Variants in STIL observed in about 807,000 individuals in gnomAD.
STIL encodes the protein STIL centriolar assembly protein, also known as SCL-interrupting locus protein.
Under a neutral mutation model 110.1 loss-of-function variants are expected in STIL, and 55 were observed. The observed-to-expected ratio is 0.50, with a 90% CI of 0.40 to 0.63. The LOEUF (loss-of-function observed/expected upper bound fraction) is 0.63, where lower values mean the gene tolerates loss of function less well. STIL is among the 20% of genes least tolerant of loss of function. The pLI is 0.00. For synonymous variants in STIL, 481 were observed against 530.0 expected (o/e 0.91, Z 1.27); for missense variants, 1,358 against 1,530.0 (o/e 0.89, Z 1.87).
Position 47,295,816 on chromosome 1 carries a change from A to G in STIL, c.734T>C (p.Leu245Ser), listed in dbSNP as rs1299972880. The G allele has an allele frequency of 6.2e-7, 1 of 1,613,100 alleles. No individual in the cohort carries two copies. Residue 245 changes from leucine (L) to serine (S), a missense_variant, in exon 7 of 17, where the codon TTA becomes TCA. Transcript: ENST00000371877. Reference protein sequence around the residue: ...YLTMDETRKLLLLLESDPKVY... With the variant: ...YLTMDETRKLSLLLESDPKVY... ...CTTGGGATCAGATTCCAACAAAAGT[A>G]ACAATTTGCGTGTTTCATCCATGGT...
At chr1:47,282,263 G>A (rs1327840781) in intron 11 of STIL, 82 bp downstream of exon 11, 1 of 836,002 alleles carries the variant, frequency 1.2e-6, no homozygotes, top group African/African-American at 1.7e-5. Flanking sequence ...TTAGGTTTCA[G>A]GTAGTATTAT....
chr1:47,293,441 A>T lies in STIL; in HGVS notation c.872+17T>A, dbSNP rs1213359206. The T allele has an allele frequency of 6.2e-7, 1 of 1,602,006 alleles. No individual in the cohort carries two copies. On this transcript the variant is annotated intron_variant, in intron 8 of 16. Coordinates refer to ENST00000371877, the MANE Select transcript of STIL (RefSeq NM_001048166.1). The stretch of plus-strand genomic sequence containing the variant: ...AAAGGATCGAAATAAAGTACTACAG[A>T]ATAAAATATCACTTGCCTTTCTTGA...
At chr1:47,311,710 A>G (rs1398928621) in intron 1 of STIL, among the ~76,000 whole-genome samples, 1 of 152,126 alleles carries the variant, frequency 6.6e-6, no homozygotes, top group East Asian at 1.9e-4. Flanking sequence ...CAAGCCTTAG[A>G]GTTCCTTAGG....
At chr1:47,306,190 T>C (rs9436429) in intron 2 of STIL, among the ~76,000 whole-genome samples, 33,168 of 151,750 alleles carry the variant, frequency 0.22, 4,273 homozygotes, top group East Asian at 0.53. Context: ...ACAAAATCCC[T>C]TTTAAGTAAC....
intron 13 of STIL, 47 bp from the exon 14 acceptor site, chr1:47,269,913 A>C (rs1644769280): frequency 6.5e-7 from 1 of 1,530,070 alleles, no homozygotes; most frequent in African/African-American, 1.4e-5. Context: ...TTCAACTTTA[A>C]AAATAATACT....
rs1353304370 is a variant in STIL at position 47,270,240 on chromosome 1, AAATATAT to A, written c.2384-381_2384-375del. 6.0e-3 allele frequency among the ~76,000 whole-genome samples: 708 copies of A among 118,016 alleles called. 16 individuals carry two copies. Among genetic ancestry groups the A allele is most frequent in the African/African-American group, 0.022 (677 of 30,974 alleles). The allele number at this position is 118,016 out of a possible 152,430, so 77.4% of individuals were successfully genotyped here. A position where few individuals can be genotyped will look rare whatever the true frequency, so the allele number is the denominator to read the frequency against. On this transcript the variant is annotated intron_variant, in intron 13 of 16. Transcript: ENST00000371877. ...GCAACTCTGGCTCAAAAAAAAAAAA[AAATATAT>A]ATATATATACACACACACACACACA...
chr1:47,265,706 G>C (rs1042213075), intron 14 of STIL, among the ~76,000 whole-genome samples: 1 of 151,138 alleles, frequency 6.6e-6, no homozygotes, highest in Non-Finnish European at 1.5e-5. Flanking sequence ...GCTTGTACCC[G>C]GGAGGCGGAG....
intron 5 of STIL, 108 bp downstream of exon 5, chr1:47,301,453 C>T: frequency 1.6e-6 from 2 of 1,276,886 alleles, no homozygotes; most frequent in South Asian, 2.5e-5. Flanking sequence ...AATAATTCAA[C>T]CAAATTATTG....
chr1:47,311,498 G>C (rs1238752979), intron 1 of STIL, among the ~76,000 whole-genome samples: 1 of 151,360 alleles, frequency 6.6e-6, no homozygotes, highest in African/African-American at 2.4e-5. Context: ...CGTTGCCCAG[G>C]CTGGTCTCGA....
chr1:47,299,799 CAT>C, intron 6 of STIL, 104 bp downstream of exon 6: 1 of 1,181,782 alleles, frequency 8.5e-7, no homozygotes, highest in South Asian at 1.4e-5. Context: ...ACCAAGCCAC[CAT>C]ATCTCTGGCA....
intron 15 of STIL, among the ~76,000 whole-genome samples, chr1:47,261,209 G>A (rs533367549): frequency 1.2e-4 from 18 of 151,832 alleles, no homozygotes; most frequent in African/African-American, 4.3e-4. Context: ...CCAACATGGT[G>A]AAACCCTGTC....
At chr1:47,299,422 A>T (rs1286139309) in intron 6 of STIL, among the ~76,000 whole-genome samples, 1 of 138,138 alleles carries the variant, frequency 7.2e-6, no homozygotes, top group Non-Finnish European at 1.5e-5. Context: ...TTTGAAACGG[A>T]GTCTCTGTTG....
intron 2 of STIL, among the ~76,000 whole-genome samples, chr1:47,309,233 A>G (rs72686214): frequency 0.014 from 2,058 of 152,218 alleles, 24 homozygotes; most frequent in Admixed American, 0.044. Context: ...CAAAAATTTA[A>G]ATTTTTTTAA....
At chr1:47,270,605 G>T (rs1644806744) in intron 13 of STIL, among the ~76,000 whole-genome samples, 2 of 149,970 alleles carry the variant, frequency 1.3e-5, no homozygotes, top group African/African-American at 4.9e-5. Context: ...CATTGGTGAT[G>T]CATCAGACAT....
chr1:47,270,670 C>CTT (rs542462270), intron 13 of STIL, among the ~76,000 whole-genome samples: 33,072 of 93,526 alleles, frequency 0.35, 7,515 homozygotes, highest in Non-Finnish European at 0.47. Context: ...GTTTCCCAAT[C>CTT]TTTTTTTTTT....
chr1:47,282,219 G>A, intron 11 of STIL, 126 bp downstream of exon 11: 1 of 683,004 alleles, frequency 1.5e-6, no homozygotes, highest in South Asian at 1.6e-5. Context: ...TAACCATAGA[G>A]ATAGAAATAG....
At chr1:47,261,395 T>A (rs1644480960) in intron 15 of STIL, among the ~76,000 whole-genome samples, 1 of 149,984 alleles carries the variant, frequency 6.7e-6, no homozygotes, top group East Asian at 2.0e-4. Flanking sequence ...CTAAAAAAAA[T>A]AAATAAATAA....
chr1:47,313,883 C>T (rs932103593), intron 1 of STIL, among the ~76,000 whole-genome samples, 153 bp downstream of exon 1: 1 of 152,212 alleles, frequency 6.6e-6, no homozygotes, highest in African/African-American at 2.4e-5. Context: ...TCATGGACTG[C>T]TTAATTTCTC....
At chr1:47,270,255 TACACACACACACAC>T (rs56253074) in intron 13 of STIL, among the ~76,000 whole-genome samples, 20 of 119,398 alleles carry the variant, frequency 1.7e-4, no homozygotes, top group South Asian at 5.7e-4. Flanking sequence ...TATATATATA[TACACACACACACAC>T]ACACACACAC....
Sources: gnomAD v4.1 joint callset for allele counts (sites outside exome capture counted in the v4.1 genomes callset) on GRCh38, gnomAD v4.1.1 for gene constraint, MANE v1.5 for transcripts, NCBI Gene and HGNC (gene_info 2026-07-23, HGNC 2026-07-21) for gene names.